The following ANKRD55 variants were observed in gnomAD, a reference collection of about 807,000 sequenced individuals.
ANKRD55 encodes ankyrin repeat domain-containing protein 55.
ANKRD55 carries 41 observed loss-of-function variants against 60.6 expected under a neutral mutation model. The ratio of observed to expected loss-of-function variants is 0.68; its 90% confidence interval spans 0.53 to 0.88. The LOEUF (loss-of-function observed/expected upper bound fraction) is 0.88. Among genes scored for constraint, ANKRD55 ranks in the 40% least tolerant of loss-of-function variants. The pLI is 0.00. For synonymous variants in ANKRD55, 264 were observed against 290.3 expected, an observed-to-expected ratio of 0.91 and a Z score of 0.92; for missense variants, 732 against 767.6, an observed-to-expected ratio of 0.95 and a Z score of 0.55.
At chr5:56,171,744 C>T (rs752737139) in intron 4 of ANKRD55, among the ~76,000 whole-genome samples, 1 of 152,122 alleles carries the variant, frequency 6.6e-6, no homozygotes, top group African/African-American at 2.4e-5. Flanking sequence ...CCTACATTCG[C>T]GTCTAGGTAA....
chr5:56,171,524 G>C (rs529560596), intron 4 of ANKRD55, among the ~76,000 whole-genome samples: 1 of 152,036 alleles, frequency 6.6e-6, no homozygotes, highest in South Asian at 2.1e-4. Flanking sequence ...ATAACTTCAG[G>C]CTAGCCCTCC....
intron 2 of ANKRD55, among the ~76,000 whole-genome samples, chr5:56,228,043 G>A (rs1760162381): frequency 6.6e-6 from 1 of 152,158 alleles, no homozygotes; most frequent in Admixed American, 6.5e-5. Context: ...TGCTTTCTGG[G>A]ATCTGACCTC....
chr5:56,135,284 C>CTTGCTTGCTTGCT (rs1561263917), intron 7 of ANKRD55, among the ~76,000 whole-genome samples: 6 of 66,510 alleles, frequency 9.0e-5, no homozygotes, highest in African/African-American at 2.9e-4. Context: ...CCCTCCCTGC[C>CTTGCTTGCTTGCT]TGCCTGCTTG....
chr5:56,151,137 T>C (rs1005854324), intron 6 of ANKRD55, among the ~76,000 whole-genome samples: 101 of 152,194 alleles, frequency 6.6e-4, no homozygotes, highest in African/African-American at 2.0e-3. Flanking sequence ...GGATTACAGG[T>C]GTGAGTCACT....
intron 6 of ANKRD55, among the ~76,000 whole-genome samples, chr5:56,152,375 C>T (rs1260971226): frequency 2.0e-5 from 3 of 151,926 alleles, no homozygotes; most frequent in African/African-American, 2.4e-5. Context: ...GTTTGTCAGA[C>T]TGCTCACAAA....
chr5:56,176,192 T>C lies in ANKRD55; in HGVS notation c.272A>G (p.Asp91Gly). 1.2e-6 allele frequency: 2 copies of C among 1,614,164 alleles called. No homozygotes were observed. The highest frequency in any genetic ancestry group is 1.3e-5 in the African/African-American group (1 of 75,038). Reference protein sequence around the residue: ...LKMGANINMQDAYGRTSLCLA... With the variant: ...LKMGANINMQGAYGRTSLCLA... ...GCATAAACTTGTGCGGCCATAAGCATCCTGCATGTTAATATTGGCTCCCAT... is the reference window on the plus strand; with the variant it reads ...GCATAAACTTGTGCGGCCATAAGCACCCTGCATGTTAATATTGGCTCCCAT... Residue 91 changes from aspartate to glycine, a missense_variant, in exon 4 of 12, where the codon GAT becomes GGT. By Grantham distance (94) the Asp-to-Gly change is moderately conservative. This residue lies in a region of ANKRD55 where 131 missense variants were observed against 142.7 expected (regional missense o/e 0.92). Coordinates refer to ENST00000341048, the MANE Select transcript of ANKRD55 (RefSeq NM_024669.3).
intron 10 of ANKRD55, among the ~76,000 whole-genome samples, 168 bp from the exon 11 acceptor site, chr5:56,102,754 A>G (rs1335873195): frequency 6.6e-6 from 1 of 152,236 alleles, no homozygotes; most frequent in Non-Finnish European, 1.5e-5. Context: ...TCTGTTATAT[A>G]CCAGTCACTG....
At chr5:56,210,431 G>A (rs994101995) in intron 2 of ANKRD55, among the ~76,000 whole-genome samples, 1 of 151,644 alleles carries the variant, frequency 6.6e-6, no homozygotes, top group Non-Finnish European at 1.5e-5. Flanking sequence ...GTGCGGTGGC[G>A]GGCGCCTGTA....
At chr5:56,126,901 C>T in intron 8 of ANKRD55, 21 bp downstream of exon 8, 1 of 1,583,444 alleles carries the variant, frequency 6.3e-7, no homozygotes. Flanking sequence ...TTTCCCAGCA[C>T]TTTCTGGTTA....
Position 56,183,367 on chromosome 5 carries a change from A to G in ANKRD55, c.181+145T>C, listed in dbSNP as rs114136966. 7.5e-3 allele frequency: 7,915 copies of G among 1,055,186 alleles called. 386 individuals carry two copies. In the African/African-American group the frequency reaches 0.11, roughly 14 times the overall value. 65.4% of individuals were successfully genotyped at this position (1,055,186 alleles called of 1,614,324 possible). The stretch of plus-strand genomic sequence containing the variant: ...ACAAACTCAAACTGATGACTTCATT[A>G]TAAGAGGCGATGTGGTACCTGCACA... On this transcript the variant is annotated intron_variant, in intron 3 of 11. Coordinates refer to ENST00000341048, the MANE Select transcript of ANKRD55 (RefSeq NM_024669.3).
intron 2 of ANKRD55, among the ~76,000 whole-genome samples, chr5:56,199,004 C>T (rs60765152): frequency 0.012 from 1,797 of 152,072 alleles, 42 homozygotes; most frequent in African/African-American, 0.041. Context: ...GGTGTGAAGC[C>T]GGGTGGCAGA....
rs113977806 is a variant in ANKRD55, at chr5:56,107,134, TG to T, written c.1630+3983del. ...CTTTCCATTTTTGAAACCCTATGAC[TG>T]TATCTAAACATGAGAAGAAAGTCAA... On this transcript the variant is annotated intron_variant, in intron 10 of 11. Coordinates refer to ENST00000341048, the MANE Select transcript of ANKRD55 (RefSeq NM_024669.3). 3.9e-3 allele frequency among the ~76,000 whole-genome samples: 600 copies of T among 152,254 alleles called. 5 individuals carry two copies. Among genetic ancestry groups the T allele is most frequent in the African/African-American group, 0.014 (572 of 41,552 alleles).
chr5:56,147,944 A>G (rs1183259018), intron 6 of ANKRD55, among the ~76,000 whole-genome samples: 1 of 152,168 alleles, frequency 6.6e-6, no homozygotes, highest in African/African-American at 2.4e-5. Flanking sequence ...TTATGTTAAA[A>G]TTCTGGTGAC....
rs1281786027 is a variant in ANKRD55, at chr5:56,100,040, T to TA, written c.*142dup. ...ATTTAGGGAGTATCTTTATTTGGAA[T>TA]AAAGAATTTCGAGTTATAAAACTGA... On this transcript the variant is annotated 3_prime_UTR_variant, in exon 12 of 12. Transcript: ENST00000341048. The TA allele has an allele frequency of 1.7e-5, 19 of 1,092,784 alleles. No homozygotes were observed. In the Admixed American group the frequency reaches 3.9e-4, roughly 23 times the overall value. The allele number at this position is 1,092,784 out of a possible 1,614,324, so 67.7% of individuals were successfully genotyped here.
At chr5:56,110,318 G>T (rs1339623841) in intron 10 of ANKRD55, among the ~76,000 whole-genome samples, 2 of 150,312 alleles carry the variant, frequency 1.3e-5, no homozygotes, top group African/African-American at 4.9e-5. Flanking sequence ...GGGATCGCTT[G>T]AACCCAGGAG....
At chr5:56,119,313 A>G (rs1756972554) in intron 8 of ANKRD55, among the ~76,000 whole-genome samples, 1 of 152,218 alleles carries the variant, frequency 6.6e-6, no homozygotes, top group African/African-American at 2.4e-5. Context: ...TAAGTGAAAT[A>G]AATCAAATAA....
intron 2 of ANKRD55, among the ~76,000 whole-genome samples, chr5:56,211,607 C>T (rs1759676176): frequency 6.6e-6 from 1 of 152,224 alleles, no homozygotes; most frequent in African/African-American, 2.4e-5. Context: ...CTCTTTCACT[C>T]AGAGACAAAG....
intron 2 of ANKRD55, among the ~76,000 whole-genome samples, chr5:56,187,829 A>G (rs1581009897): frequency 1.3e-5 from 2 of 152,366 alleles, no homozygotes; most frequent in African/African-American, 4.8e-5. Flanking sequence ...ACGTGAGGCC[A>G]AGAACCCCAG....
chr5:56,177,598 G>A (rs906808835), intron 3 of ANKRD55, among the ~76,000 whole-genome samples: 2 of 151,970 alleles, frequency 1.3e-5, no homozygotes, highest in African/African-American at 4.8e-5. Flanking sequence ...CCAACATGGT[G>A]AAACCCTGTC....
Sources: gnomAD v4.1 joint callset for allele counts (sites outside exome capture counted in the v4.1 genomes callset) on GRCh38, gnomAD v4.1.1 for gene constraint, gnomAD v4.1.1 regional missense constraint, MANE v1.5 for transcripts, NCBI Gene and HGNC (gene_info 2026-07-23, HGNC 2026-07-21) for gene names.